RALY: variants seen among roughly 807,000 people sequenced by gnomAD.
The protein encoded by RALY is RNA-binding protein Raly.
In RALY, 15 loss-of-function variants were observed where a neutral mutation model predicts 30.7. The observed-to-expected ratio is 0.49, with a 90% confidence interval of 0.33 to 0.75. RALY has a LOEUF of 0.75. Ranked by LOEUF, RALY falls within the 30% of genes least tolerant of loss-of-function variation. The pLI is 0.02. For missense variants in RALY, 339 were observed against 414.3 expected, an observed-to-expected ratio of 0.82 and a Z score of 1.58; for synonymous variants, 177 against 170.8, an observed-to-expected ratio of 1.04 and a Z score of -0.28.
At chr20:34,022,220 T>C (rs1329305520) in intron 1 of RALY, among the ~76,000 whole-genome samples, 1 of 151,962 alleles carries the variant, frequency 6.6e-6, no homozygotes, top group Admixed American at 6.6e-5. Context: ...GGAGCCACCA[T>C]GCACAGCCTG....
At chr20:33,995,135 C>T (rs1398500742) in intron 1 of RALY, among the ~76,000 whole-genome samples, 3 of 152,148 alleles carry the variant, frequency 2.0e-5, no homozygotes, top group Non-Finnish European at 4.4e-5. Context: ...GACTTCTGGG[C>T]CGTTGTCCAC....
intron 2 of RALY, among the ~76,000 whole-genome samples, chr20:34,068,517 A>G (rs1314050981): frequency 6.6e-6 from 1 of 152,164 alleles, no homozygotes; most frequent in African/African-American, 2.4e-5. Flanking sequence ...CTCCCTCCCT[A>G]ACATTGATTG....
intron 1 of RALY, among the ~76,000 whole-genome samples, chr20:34,013,009 A>G (rs796460679): frequency 7.2e-5 from 11 of 152,330 alleles, no homozygotes; most frequent in African/African-American, 2.4e-4. Context: ...TCATACAGCT[A>G]GTCTGTTTTC....
chr20:34,044,270 G>C (rs959012010), intron 2 of RALY, among the ~76,000 whole-genome samples: 6 of 152,070 alleles, frequency 3.9e-5, no homozygotes, highest in African/African-American at 1.5e-4. Context: ...GATTAATTAG[G>C]TGATATATAT....
intron 1 of RALY, among the ~76,000 whole-genome samples, chr20:34,003,602 C>G (rs1422197704): frequency 6.7e-6 from 1 of 149,320 alleles, no homozygotes; most frequent in Non-Finnish European, 1.5e-5. Flanking sequence ...CTAGGTTAGG[C>G]ATATGTTTAC....
intron 2 of RALY, among the ~76,000 whole-genome samples, chr20:34,047,900 A>G (rs557053376): frequency 4.9e-4 from 74 of 151,820 alleles, no homozygotes; most frequent in African/African-American, 1.7e-3. Context: ...CCAACCCCCA[A>G]CCCCACCTTT....
At chr20:34,009,709 T>A (rs2031318264) in intron 1 of RALY, among the ~76,000 whole-genome samples, 1 of 152,194 alleles carries the variant, frequency 6.6e-6, no homozygotes, top group South Asian at 2.1e-4. Flanking sequence ...TTTCTCTACT[T>A]TTTTCCACAT....
At position 34,077,015 on chromosome 20, in the gene RALY, C is replaced by T. The variant is rs1320286560; in HGVS notation, c.659-13C>T. 1.2e-6 allele frequency: 2 copies of T among 1,610,422 alleles called. No individual in the cohort carries two copies. The highest frequency in any genetic ancestry group is 1.7e-6 in the Non-Finnish European group (2 of 1,179,030). ...GAGTTTTATTCTCCCCTCCTCCACC[C>T]CTTCCCCTCAAGATGGCAAGAAGAA... On this transcript the variant is annotated splice_polypyrimidine_tract_variant and intron_variant, in intron 7 of 9. Coordinates refer to ENST00000246194, the MANE Select transcript of RALY (RefSeq NM_016732.3).
chr20:34,058,775 G>A (rs566110569), intron 2 of RALY, among the ~76,000 whole-genome samples: 1 of 152,332 alleles, frequency 6.6e-6, no homozygotes, highest in African/African-American at 2.4e-5. Flanking sequence ...TTTATAAAGT[G>A]AATGACATAT....
chr20:34,076,582 A>G (rs2033883627), intron 6 of RALY, 120 bp from the exon 7 acceptor site: 3 of 885,394 alleles, frequency 3.4e-6, no homozygotes, highest in African/African-American at 3.4e-5. Context: ...TAAGCAGGGA[A>G]AAAACAAAAC....
intron 2 of RALY, among the ~76,000 whole-genome samples, chr20:34,056,093 T>C (rs1313583342): frequency 6.7e-6 from 1 of 150,232 alleles, no homozygotes; most frequent in Non-Finnish European, 1.5e-5. Context: ...CACTCTTCAG[T>C]GTCCACAAAG....
intron 3 of RALY, 62 bp from the exon 4 acceptor site, chr20:34,073,501 G>A: frequency 2.1e-6 from 3 of 1,451,666 alleles, no homozygotes; most frequent in Non-Finnish European, 2.9e-6. Context: ...TGTGCATGAG[G>A]TTGATGTGTG....
chr20:34,069,997 C>T (rs2033681723), intron 2 of RALY, among the ~76,000 whole-genome samples: 1 of 152,298 alleles, frequency 6.6e-6, no homozygotes, highest in South Asian at 2.1e-4. Flanking sequence ...TCACGTCCAG[C>T]CTATGATTCC....
chr20:34,049,676 T>G (rs1454011368), intron 2 of RALY, among the ~76,000 whole-genome samples: 3 of 152,216 alleles, frequency 2.0e-5, no homozygotes, highest in Non-Finnish European at 2.9e-5. Flanking sequence ...CAAAACACTT[T>G]TGACATCATT....
chr20:34,072,723 T>C (rs1488275968), intron 3 of RALY, among the ~76,000 whole-genome samples: 2 of 152,172 alleles, frequency 1.3e-5, no homozygotes, highest in African/African-American at 2.4e-5. Context: ...GTGAATACGC[T>C]TGGTTTTGGT....
Position 34,054,776 on chromosome 20 carries a change from A to C in RALY, c.-9-17290A>C, listed in dbSNP as rs538798672. Among the ~76,000 whole-genome samples the C allele has an allele frequency of 2.2e-4, 33 of 151,522 alleles. No homozygotes were observed. In the South Asian group the frequency reaches 6.9e-3, roughly 32 times the overall value. On this transcript the variant is annotated intron_variant, in intron 2 of 9. Transcript: ENST00000246194. ...GGGAGGTGGAGGTTGCAGTGAGCTG[A>C]GGTCACACTCCAGCCTGGGTGACAG...
At chr20:34,076,143 T>G in intron 6 of RALY, 103 bp downstream of exon 6, 3 of 1,353,974 alleles carry the variant, frequency 2.2e-6, no homozygotes, top group Non-Finnish European at 3.0e-6. Context: ...CAACAAGTCT[T>G]CCACAGTTCT....
At chr20:34,075,793 C>T (rs1372660192) in intron 5 of RALY, 81 bp from the exon 6 acceptor site, 1 of 1,457,190 alleles carries the variant, frequency 6.9e-7, no homozygotes, top group African/African-American at 1.4e-5. Context: ...TCACCAGCCA[C>T]ACACGTTTGT....
At chr20:34,037,603 C>T (rs1056087393) in intron 2 of RALY, among the ~76,000 whole-genome samples, 3 of 152,116 alleles carry the variant, frequency 2.0e-5, no homozygotes, top group Admixed American at 2.0e-4. Flanking sequence ...TACTTGTGGC[C>T]TTTAGTTTCC....
Sources: allele counts gnomAD v4.1 joint callset (sites outside exome capture counted in the v4.1 genomes callset), GRCh38; gene constraint gnomAD v4.1.1; transcripts MANE v1.5; gene names NCBI Gene and HGNC (gene_info 2026-07-23, HGNC 2026-07-21).